The following RPRD2 variants were observed in gnomAD, a reference collection of about 807,000 sequenced individuals.
RPRD2 encodes the protein regulation of nuclear pre-mRNA domain containing 2.
RPRD2 carries 12 observed loss-of-function variants against 104.4 expected under a neutral mutation model. The ratio of observed to expected loss-of-function variants is 0.11; its 90% CI spans 0.07 to 0.19. The LOEUF is 0.19. Ranked by LOEUF, RPRD2 falls within the 10% of genes least tolerant of loss-of-function variation. The pLI is 1.00. For missense variants in RPRD2, 1,543 were observed against 1,790.1 expected (o/e 0.86, Z 2.49); for synonymous variants, 714 against 684.9 (o/e 1.04, Z -0.66).
intron 1 of RPRD2, among the ~76,000 whole-genome samples, chr1:150,389,927 T>G (rs1661934856): frequency 6.6e-6 from 1 of 152,164 alleles, no homozygotes; most frequent in South Asian, 2.1e-4. Context: ...GACTAAGCCT[T>G]GGGCCCCCAG....
At chr1:150,402,714 C>G (rs1238723276) in intron 1 of RPRD2, among the ~76,000 whole-genome samples, 1 of 152,038 alleles carries the variant, frequency 6.6e-6, no homozygotes, top group Non-Finnish European at 1.5e-5. Context: ...CGCCTGTAAT[C>G]CCAGCACTTT....
In RPRD2 at chr1:150,441,404, T is replaced by G. The variant is rs1471352887; in HGVS notation, c.436+381T>G. 8.6e-5 allele frequency: 18 copies of G among 209,692 alleles called. No homozygotes were observed. The Admixed American group carries it at 9.2e-4, about 11-fold the overall frequency. The allele number at this position is 209,692 out of a possible 1,614,324, so 13.0% of individuals were successfully genotyped here. On this transcript the variant is annotated intron_variant, in intron 3 of 10. Transcript: ENST00000369068. Reference sequence around the variant, plus strand: ...GGGTGTCAGTTCTTACTAAGCTGTTTGGTAGTAAGCATATATCAGCAGTCT... The same window carrying G: ...GGGTGTCAGTTCTTACTAAGCTGTTGGGTAGTAAGCATATATCAGCAGTCT...
intron 2 of RPRD2, among the ~76,000 whole-genome samples, chr1:150,439,981 T>G (rs1253928134): frequency 6.6e-6 from 1 of 152,132 alleles, no homozygotes; most frequent in Non-Finnish European, 1.5e-5. Flanking sequence ...TTTTTTTTTT[T>G]GAGACAAGGT....
intron 7 of RPRD2, among the ~76,000 whole-genome samples, chr1:150,453,778 C>T (rs1436126574): frequency 6.6e-6 from 1 of 152,102 alleles, no homozygotes; most frequent in Non-Finnish European, 1.5e-5. Flanking sequence ...AATTTTTTAT[C>T]GAATGCTGAA....
chr1:150,409,905 A>G (rs1362514663), intron 1 of RPRD2, among the ~76,000 whole-genome samples: 1 of 152,182 alleles, frequency 6.6e-6, no homozygotes, highest in Non-Finnish European at 1.5e-5. Flanking sequence ...TTGGCCTCCC[A>G]AAGTGCTGGG....
chr1:150,388,497 G>GCACA (rs143626934), intron 1 of RPRD2, among the ~76,000 whole-genome samples: 4,030 of 90,172 alleles, frequency 0.045, 192 homozygotes, highest in African/African-American at 0.12. Context: ...ATATACCCGC[G>GCACA]CACACACACA....
chr1:150,413,817 C>T (rs1167754353), intron 1 of RPRD2, among the ~76,000 whole-genome samples: 2 of 150,870 alleles, frequency 1.3e-5, no homozygotes, highest in African/African-American at 2.4e-5. Flanking sequence ...CCCAGCTACT[C>T]GGGAGGCTGA....
chr1:150,474,941 AAG>A lies in RPRD2; in HGVS notation c.*1610_*1611del, dbSNP rs1668815464. The stretch of plus-strand genomic sequence containing the variant: ...TCTCTCAGAATGAACTTTTCAGAGA[AAG>A]AGCAGCATAAACCAGGTGCACATCA... On this transcript the variant is annotated 3_prime_UTR_variant, in exon 11 of 11. Coordinates refer to ENST00000369068, the MANE Select transcript of RPRD2 (RefSeq NM_015203.5). The A allele has an allele frequency of 3.3e-5, 5 of 152,212 alleles. No homozygotes were observed. The highest frequency in any genetic ancestry group is 2.1e-4 in the South Asian group (1 of 4,832). 9.4% of individuals were successfully genotyped at this position (152,212 alleles called of 1,614,324 possible). A position where few individuals can be genotyped will look rare whatever the true frequency, so the allele number is the denominator to read the frequency against.
At chr1:150,370,369 C>T (rs1660210359) in intron 1 of RPRD2, among the ~76,000 whole-genome samples, 1 of 152,030 alleles carries the variant, frequency 6.6e-6, no homozygotes, top group Non-Finnish European at 1.5e-5. Context: ...TAGTTCTGTA[C>T]CTGTAGATGA....
chr1:150,428,594 G>A (rs1258961932), intron 2 of RPRD2, among the ~76,000 whole-genome samples: 3 of 151,416 alleles, frequency 2.0e-5, no homozygotes, highest in Non-Finnish European at 2.9e-5. Flanking sequence ...ATTCTCATGC[G>A]TCAGCCTCCC....
chr1:150,467,889 G>A (rs113412665), intron 10 of RPRD2, among the ~76,000 whole-genome samples: 33 of 152,204 alleles, frequency 2.2e-4, no homozygotes, highest in African/African-American at 6.7e-4. Flanking sequence ...CTTCAGGCCC[G>A]GTGTGGTGGG....
intron 2 of RPRD2, among the ~76,000 whole-genome samples, chr1:150,436,191 G>T (rs1665978862): frequency 6.6e-6 from 1 of 151,632 alleles, no homozygotes; most frequent in Non-Finnish European, 1.5e-5. Context: ...AATGCACCCA[G>T]TCACCCAAGA....
At chr1:150,450,605 C>CA (rs1186175962) in intron 7 of RPRD2, among the ~76,000 whole-genome samples, 831 of 50,454 alleles carry the variant, frequency 0.016, 22 homozygotes, top group African/African-American at 0.057. Context: ...GACTCCGTCT[C>CA]AAAAAAAAAA....
chr1:150,391,352 A>G (rs1314868431), intron 1 of RPRD2, among the ~76,000 whole-genome samples: 1 of 152,108 alleles, frequency 6.6e-6, no homozygotes, highest in Admixed American at 6.6e-5. Flanking sequence ...TAAGGGTCTC[A>G]TGTGTTGCCC....
intron 7 of RPRD2, among the ~76,000 whole-genome samples, chr1:150,447,746 A>T (rs1297518635): frequency 6.6e-6 from 1 of 152,220 alleles, no homozygotes; most frequent in Non-Finnish European, 1.5e-5. Context: ...TTAAGTTTTA[A>T]TCACTGTGTA....
chr1:150,429,091 A>AGT (rs1553891080), intron 2 of RPRD2, among the ~76,000 whole-genome samples: 1 of 145,972 alleles, frequency 6.9e-6, no homozygotes, highest in Non-Finnish European at 1.5e-5. Flanking sequence ...TGTGGTCAGT[A>AGT]GTGGCTTTTT....
chr1:150,439,145 T>G (rs1666231863), intron 2 of RPRD2, among the ~76,000 whole-genome samples: 1 of 152,156 alleles, frequency 6.6e-6, no homozygotes, highest in Non-Finnish European at 1.5e-5. Context: ...ATCTAAACAT[T>G]ATAGAACACA....
intron 10 of RPRD2, among the ~76,000 whole-genome samples, chr1:150,469,624 G>T (rs35699789): frequency 0.21 from 32,447 of 152,056 alleles, 3,871 homozygotes; most frequent in African/African-American, 0.29. Context: ...TTAAAAATAT[G>T]ATTGAATTTA....
Position 150,470,708 on chromosome 1 carries a change from C to T in RPRD2, c.1760C>T (p.Pro587Leu). The T allele has an allele frequency of 6.2e-7, 1 of 1,614,006 alleles. No individual in the cohort carries two copies. The highest frequency in any genetic ancestry group is 8.5e-7 in the Non-Finnish European group (1 of 1,179,890). Residue 587 changes from proline to leucine, a missense_variant, in exon 11 of 11, where the codon CCC becomes CTC. By Grantham distance (98) the Pro-to-Leu change is moderately conservative. Coordinates refer to ENST00000369068, the MANE Select transcript of RPRD2 (RefSeq NM_015203.5). ...NLPSSAQPFI[P>L]KSFNYSPNSS... ...CCCTCCAGTGCCCAACCTTTTATTC[C>T]CAAAAGCTTCAACTATTCTCCTAAC...
Sources: allele counts gnomAD v4.1 joint callset (sites outside exome capture counted in the v4.1 genomes callset), GRCh38; gene constraint gnomAD v4.1.1; transcripts MANE v1.5; gene names NCBI Gene and HGNC (gene_info 2026-07-23, HGNC 2026-07-21).